Variants in ZNF490 observed in about 807,000 individuals in gnomAD.
The protein encoded by ZNF490 is zinc finger protein 490.
A neutral mutation model predicts 17.7 loss-of-function variants in ZNF490; 11 were observed. The ratio of observed to expected loss-of-function variants is 0.62; its 90% CI spans 0.39 to 1.03. ZNF490 has a LOEUF of 1.03. Ranked by LOEUF, ZNF490 falls within the 50% of genes least tolerant of loss-of-function variation. ZNF490 has a pLI of 0.00. For missense variants in ZNF490, 542 were observed against 643.4 expected (o/e 0.84, Z 1.71); for synonymous variants, 222 against 216.1 (o/e 1.03, Z -0.24).
chr19:12,609,332 C>T, intron 1 of ZNF490, 130 bp from the exon 2 acceptor site: 1 of 726,560 alleles, frequency 1.4e-6, no homozygotes, highest in South Asian at 1.7e-5. Flanking sequence ...AAGGGTGGAT[C>T]ATGGGAGTTT....
intron 2 of ZNF490, chr19:12,597,274 C>A: frequency 2.2e-6 from 1 of 445,206 alleles, no homozygotes. Context: ...TCCTAGCGAA[C>A]CGCTAGAATA....
chr19:12,609,039 G>A (rs996606937), intron 2 of ZNF490, 119 bp downstream of exon 2: 8 of 837,104 alleles, frequency 9.6e-6, no homozygotes, highest in African/African-American at 6.7e-5. Context: ...CCTTGACTAT[G>A]GGAGTGCCTT....
In ZNF490 at chr19:12,582,894, G is replaced by T. The variant is rs1435486620; in HGVS notation, c.306C>A (p.Asp102Glu). The change falls in exon 4 of 5, where the codon GAC (aspartate) becomes GAA (glutamate). Residue 102 changes from aspartate (D) to glutamate (E), a missense_variant. Physicochemically the swap from Asp to Glu is conservative, Grantham distance 45. Transcript: ENST00000311437. ...NLACIGEKWK[D>E]QDIEDEHKNQ... ...TTTTGTGTTCATCTTCAATATCCTG[G>T]TCTTTCCATTTTTCCCCTAAAATAC... 1.2e-6 allele frequency: 2 copies of T among 1,612,156 alleles called. No homozygotes were observed. The highest frequency in any genetic ancestry group is 3.4e-5 in the Admixed American group (2 of 59,676).
intron 2 of ZNF490, among the ~76,000 whole-genome samples, chr19:12,589,913 T>TG (rs1255678094): frequency 7.0e-3 from 214 of 30,648 alleles, no homozygotes; most frequent in African/African-American, 0.015. Flanking sequence ...TATGTATGTA[T>TG]TTATTTATTT....
At chr19:12,595,056 A>AAT (rs201283674) in intron 2 of ZNF490, among the ~76,000 whole-genome samples, 2 of 151,970 alleles carry the variant, frequency 1.3e-5, no homozygotes, top group South Asian at 4.2e-4. Flanking sequence ...TGAAACCAGA[A>AAT]ATATATATAT....
chr19:12,610,735 T>A lies in ZNF490; in HGVS notation c.-55A>T. The A allele has an allele frequency of 1.9e-6, 3 of 1,548,298 alleles. No homozygotes were observed. The highest frequency in any genetic ancestry group is 1.1e-5 in the South Asian group (1 of 89,864). ...GAAGACTTCCGTGTCCGACCCGAGA[T>A]CCGGAACAATTTCTGCTTCAACACA... On this transcript the variant is annotated 5_prime_UTR_variant, in exon 1 of 5. Transcript: ENST00000311437.
At chr19:12,609,978 CAAAAAT>C (rs1271870539) in intron 1 of ZNF490, 4 of 445,040 alleles carry the variant, frequency 9.0e-6, no homozygotes, top group African/African-American at 4.1e-5. Context: ...CATAAATCTA[CAAAAAT>C]AAAAATAAAA....
chr19:12,583,403 T>C, intron 3 of ZNF490, 27 bp downstream of exon 3: 2 of 1,562,880 alleles, frequency 1.3e-6, no homozygotes, highest in South Asian at 1.1e-5. Context: ...CCTCCTTAAT[T>C]AAGTAGAGAA....
intron 2 of ZNF490, among the ~76,000 whole-genome samples, chr19:12,593,286 T>G (rs1197430157): frequency 6.6e-6 from 1 of 151,914 alleles, no homozygotes; most frequent in Admixed American, 6.6e-5. Flanking sequence ...CTCGCTCTGT[T>G]GCCCAGGCTG....
intron 2 of ZNF490, chr19:12,597,227 T>C (rs2022945664): frequency 2.2e-6 from 1 of 457,574 alleles, no homozygotes; most frequent in African/African-American, 2.0e-5. Context: ...AGACAAAGCA[T>C]ACGCAGAGCC....
intron 2 of ZNF490, among the ~76,000 whole-genome samples, chr19:12,608,027 C>T (rs1240244999): frequency 2.6e-5 from 4 of 152,148 alleles, no homozygotes; most frequent in East Asian, 1.9e-4. Flanking sequence ...GTGAAGATGA[C>T]ATATTCAGGC....
Position 12,581,163 on chromosome 19 carries a change from T to C in ZNF490, c.912A>G (p.Lys304=). The C allele has an allele frequency of 6.2e-7, 1 of 1,610,542 alleles. No individual in the cohort carries two copies. The highest frequency in any genetic ancestry group is 1.3e-5 in the African/African-American group (1 of 75,022). ...LTHERTHTGE[K]PYECKQCGKA... The stretch of plus-strand genomic sequence containing the variant: ...TCCCACATTGCTTACATTCATAAGG[T>C]TTCTCTCCAGTGTGAGTCCTTTCGT... The change falls in exon 5 of 5, where the codon AAA becomes AAG. Residue 304 remains lysine (K), a synonymous_variant. Coordinates refer to ENST00000311437, the MANE Select transcript of ZNF490 (RefSeq NM_020714.3).
rs777915963 is a variant in ZNF490 at position 12,610,618 on chromosome 19, G to C, written c.63C>G (p.Ser21Arg). Residue 21 changes from serine to arginine, a missense_variant, in exon 1 of 5, where the codon AGC becomes AGG. By Grantham distance (110) the Ser-to-Arg change is moderately radical. Transcript: ENST00000311437. ...MERPLEEQVQ[S>R]KWSSSQGRTG... ...TGCGGCCTTGACTAGACGACCACTTGCTCTGGACTTGCTCCTCGAGGGGTC... is the reference window on the plus strand; with the variant it reads ...TGCGGCCTTGACTAGACGACCACTTCCTCTGGACTTGCTCCTCGAGGGGTC... 6.2e-7 allele frequency: 1 copy of C among 1,613,944 alleles called. No homozygotes were observed. The highest frequency in any genetic ancestry group is 1.1e-5 in the South Asian group (1 of 91,072).
chr19:12,581,758 T>G (rs1319488190), intron 4 of ZNF490, 34 bp from the exon 5 acceptor site: 1 of 1,497,818 alleles, frequency 6.7e-7, no homozygotes, highest in Non-Finnish European at 9.0e-7. Flanking sequence ...ATTAATAGTT[T>G]TGTATTAATG....
intron 2 of ZNF490, among the ~76,000 whole-genome samples, chr19:12,595,468 A>C (rs1182763548): frequency 6.6e-6 from 1 of 151,708 alleles, no homozygotes; most frequent in Non-Finnish European, 1.5e-5. Flanking sequence ...TTAGGTCAAA[A>C]CCTAGAAAAA....
chr19:12,600,208 A>C (rs552407179), intron 2 of ZNF490, among the ~76,000 whole-genome samples: 4 of 151,972 alleles, frequency 2.6e-5, no homozygotes, highest in African/African-American at 4.8e-5. Context: ...TAAAAAAAAA[A>C]CACAAAAAAT....
chr19:12,601,199 T>G (rs1376636976), intron 2 of ZNF490, among the ~76,000 whole-genome samples: 1 of 150,468 alleles, frequency 6.6e-6, no homozygotes, highest in African/African-American at 2.4e-5. Flanking sequence ...CCATCCTGGC[T>G]AACACGGTGA....
intron 2 of ZNF490, among the ~76,000 whole-genome samples, chr19:12,590,158 G>T (rs983771537): frequency 6.6e-6 from 1 of 150,950 alleles, no homozygotes. Flanking sequence ...CTTGTGATAC[G>T]CCCGTCTCAG....
chr19:12,604,508 A>G (rs1030280752), intron 2 of ZNF490, among the ~76,000 whole-genome samples: 43 of 152,080 alleles, frequency 2.8e-4, no homozygotes, highest in African/African-American at 9.6e-4. Flanking sequence ...ACACACAGAA[A>G]AAAAATTAGC....
Sources: gnomAD v4.1 joint callset for allele counts (sites outside exome capture counted in the v4.1 genomes callset) on GRCh38, gnomAD v4.1.1 for gene constraint, MANE v1.5 for transcripts, NCBI Gene and HGNC (gene_info 2026-07-23, HGNC 2026-07-21) for gene names.